Variants in LYRM7 observed in about 807,000 individuals in gnomAD.
LYRM7 encodes the protein complex III assembly factor LYRM7.
In LYRM7, 9 loss-of-function variants were observed where a neutral mutation model predicts 15.8. The ratio of observed to expected loss-of-function variants is 0.57; its 90% CI spans 0.34 to 0.99. LYRM7 has a LOEUF of 0.99. Ranked by LOEUF, LYRM7 falls within the 50% of genes least tolerant of loss-of-function variation. The pLI, the probability that LYRM7 is intolerant of heterozygous loss-of-function variation, is 0.02. For synonymous variants in LYRM7, 39 were observed against 39.4 expected (o/e 0.99, Z 0.04); for missense variants, 115 against 119.1 (o/e 0.97, Z 0.16).
At chr5:131,190,656 A>G (rs78148115) in intron 4 of LYRM7, among the ~76,000 whole-genome samples, 4,733 of 151,544 alleles carry the variant, frequency 0.031, 266 homozygotes, top group African/African-American at 0.11. Context: ...ACGCCCAGCT[A>G]ATTTTTGTAT....
chr5:131,204,303 G>A lies in LYRM7; in HGVS notation c.*4702G>A, dbSNP rs1043417485. 6.7e-6 allele frequency: 1 copy of A among 148,634 alleles called. No homozygotes were observed. The highest frequency in any genetic ancestry group is 6.6e-5 in the Admixed American group (1 of 15,082). The allele number at this position is 148,634 out of a possible 1,614,324, so 9.2% of individuals were successfully genotyped here. Reference sequence around the variant, plus strand: ...TCAGTCTATTTCTCAAAAACTCAAAGAATACTAATAAATGTGTACTCAGGT... The same window carrying A: ...TCAGTCTATTTCTCAAAAACTCAAAAAATACTAATAAATGTGTACTCAGGT... On this transcript the variant is annotated 3_prime_UTR_variant, in exon 5 of 5. Transcript: ENST00000379380.
intron 4 of LYRM7, among the ~76,000 whole-genome samples, chr5:131,191,709 G>A (rs962640925): frequency 1.3e-5 from 2 of 152,102 alleles, no homozygotes; most frequent in African/African-American, 4.8e-5. Flanking sequence ...TCTCACCCCA[G>A]AGAGAATGAC....
chr5:131,183,917 CTA>C (rs910891189), intron 3 of LYRM7, among the ~76,000 whole-genome samples: 3 of 152,110 alleles, frequency 2.0e-5, no homozygotes, highest in Non-Finnish European at 4.4e-5. Flanking sequence ...TGAAAAATAA[CTA>C]TTTTTAAAAA....
intron 3 of LYRM7, among the ~76,000 whole-genome samples, chr5:131,185,448 G>A (rs1432588940): frequency 1.3e-5 from 2 of 152,180 alleles, no homozygotes; most frequent in African/African-American, 4.8e-5. Flanking sequence ...CGTTTAGGTA[G>A]ACCAGTGAAC....
At chr5:131,171,863 T>C (rs1755527965) in intron 1 of LYRM7, 1 of 152,172 alleles carries the variant, frequency 6.6e-6, no homozygotes, top group Non-Finnish European at 1.5e-5. Context: ...ACAGCACCAA[T>C]AGAAACAGAA....
In LYRM7 at chr5:131,200,053, C is replaced by G. The variant is rs1291517066; in HGVS notation, c.*452C>G. On this transcript the variant is annotated 3_prime_UTR_variant, in exon 5 of 5. Coordinates refer to ENST00000379380, the MANE Select transcript of LYRM7 (RefSeq NM_181705.4). ...TTGGTCAAAAAAATCACAGTGTATG[C>G]CAGCTCTCTACAGAAAGTGGCCTTT... The G allele has an allele frequency of 6.6e-6, 1 of 152,306 alleles. No individual in the cohort carries two copies. The highest frequency in any genetic ancestry group is 1.9e-4 in the East Asian group (1 of 5,338). The allele number at this position is 152,306 out of a possible 1,614,324, so 9.4% of individuals were successfully genotyped here.
In LYRM7 at chr5:131,189,351, G is replaced by C. The variant is rs374875065; in HGVS notation, c.244+2242G>C. ...CCAGCTATTCTGGAGGCTGAGGCAG[G>C]AGAATGGCATGAACCCGGGAGGCGG... On this transcript the variant is annotated intron_variant, in intron 4 of 4. Transcript: ENST00000379380. Among the ~76,000 whole-genome samples the C allele has an allele frequency of 6.3e-5, 9 of 143,662 alleles. No individual in the cohort carries two copies. In the South Asian group the frequency reaches 1.7e-3, roughly 28 times the overall value. 94.2% of individuals were successfully genotyped at this position (143,662 alleles called of 152,430 possible).
rs554551559 is a variant in LYRM7 at position 131,185,273 on chromosome 5, C to A, written c.163-1755C>A. Among the ~76,000 whole-genome samples the A allele has an allele frequency of 5.3e-5, 8 of 152,330 alleles. No individual in the cohort carries two copies. In the South Asian group the frequency reaches 1.2e-3, roughly 24 times the overall value. ...TTAACATGACCTACAAGACTGTCAT[C>A]TGACCTTTGTTACCTTGCCACCTCA... On this transcript the variant is annotated intron_variant, in intron 3 of 4. Coordinates refer to ENST00000379380, the MANE Select transcript of LYRM7 (RefSeq NM_181705.4).
At chr5:131,195,038 C>T (rs1755941764) in intron 4 of LYRM7, among the ~76,000 whole-genome samples, 1 of 152,064 alleles carries the variant, frequency 6.6e-6, no homozygotes, top group Non-Finnish European at 1.5e-5. Flanking sequence ...CTGAGGTGGG[C>T]AGATCACCTG....
chr5:131,187,002 C>T (rs1337302914), intron 3 of LYRM7, 26 bp from the exon 4 acceptor site: 1 of 1,293,192 alleles, frequency 7.7e-7, no homozygotes, highest in Non-Finnish European at 1.1e-6. Context: ...AAAGGACTTA[C>T]TCTATTTGTT....
intron 2 of LYRM7, among the ~76,000 whole-genome samples, chr5:131,181,276 A>G (rs1341024196): frequency 4.2e-4 from 3 of 7,128 alleles, no homozygotes; most frequent in African/African-American, 9.3e-4. Flanking sequence ...ACTCCATCTG[A>G]AAAAAAAAAA....
intron 1 of LYRM7, 83 bp from the exon 2 acceptor site, chr5:131,180,012 T>G: frequency 1.1e-6 from 1 of 903,514 alleles, no homozygotes. Context: ...GCTAAAGCGA[T>G]CCTGCTACCT....
chr5:131,191,722 T>C (rs977433951), intron 4 of LYRM7, among the ~76,000 whole-genome samples: 1 of 152,150 alleles, frequency 6.6e-6, no homozygotes, highest in Non-Finnish European at 1.5e-5. Flanking sequence ...AGAATGACTA[T>C]TGTCAAAAAG....
At position 131,204,248 on chromosome 5, in the gene LYRM7, A is replaced by C. The variant is rs1394665609; in HGVS notation, c.*4647A>C. On this transcript the variant is annotated 3_prime_UTR_variant, in exon 5 of 5. Coordinates refer to ENST00000379380, the MANE Select transcript of LYRM7 (RefSeq NM_181705.4). ...TGACTATAGGGCCTTTTTGAAAGGA[A>C]AATTGACATCATCAAAATTTTAAAT... The C allele has an allele frequency of 6.6e-6, 1 of 152,064 alleles. No individual in the cohort carries two copies. Among genetic ancestry groups the C allele is most frequent in the Non-Finnish European group, 1.5e-5 (1 of 68,000 alleles). 9.4% of individuals were successfully genotyped at this position (152,064 alleles called of 1,614,324 possible). A position where few individuals can be genotyped will look rare whatever the true frequency, so the allele number is the denominator to read the frequency against.
rs1321706510 is a variant in LYRM7, at chr5:131,204,079, T to A, written c.*4478T>A. On this transcript the variant is annotated 3_prime_UTR_variant, in exon 5 of 5. Transcript: ENST00000379380. Reference sequence around the variant, plus strand: ...CATATCATTTTTAAAGGAATATAAATTATAGGGCCTTTTGTTTCTTTGGGT... The same window carrying A: ...CATATCATTTTTAAAGGAATATAAAATATAGGGCCTTTTGTTTCTTTGGGT... 1 of 150,730 alleles carries A rather than the reference T, an allele frequency of 6.6e-6. No homozygotes were observed. The highest frequency in any genetic ancestry group is 2.4e-5 in the African/African-American group (1 of 40,870). The allele number at this position is 150,730 out of a possible 1,614,324, so 9.3% of individuals were successfully genotyped here.
intron 2 of LYRM7, among the ~76,000 whole-genome samples, chr5:131,181,296 A>ATATAT (rs1311167816): frequency 4.1e-4 from 6 of 14,458 alleles, no homozygotes; most frequent in African/African-American, 1.0e-3. Flanking sequence ...AAAAAAAAAA[A>ATATAT]AAAAAAATAT....
chr5:131,172,396 G>A (rs115192031), intron 1 of LYRM7, among the ~76,000 whole-genome samples: 9,572 of 150,196 alleles, frequency 0.064, 424 homozygotes, highest in Non-Finnish European at 0.092. Flanking sequence ...CTGGGTGACA[G>A]AGCAAGACTT....
At chr5:131,175,273 C>T (rs1755583310) in intron 1 of LYRM7, among the ~76,000 whole-genome samples, 2 of 149,946 alleles carry the variant, frequency 1.3e-5, no homozygotes. Context: ...AATCTCGGCT[C>T]ACCACAACCC....
chr5:131,176,094 T>C (rs571965171), intron 1 of LYRM7, among the ~76,000 whole-genome samples: 1 of 152,338 alleles, frequency 6.6e-6, no homozygotes, highest in African/African-American at 2.4e-5. Flanking sequence ...AAGCTCTTAT[T>C]AATAAGGATA....
Sources: allele counts gnomAD v4.1 joint callset (sites outside exome capture counted in the v4.1 genomes callset), GRCh38; gene constraint gnomAD v4.1.1; transcripts MANE v1.5; gene names NCBI Gene and HGNC (gene_info 2026-07-23, HGNC 2026-07-21).